Variants in CDH23 observed in about 807,000 individuals in gnomAD.
CDH23 encodes the protein cadherin related 23.
A neutral mutation model predicts 317.1 loss-of-function variants in CDH23; 189 were observed. The ratio of observed to expected loss-of-function variants is 0.60; its 90% CI spans 0.53 to 0.67. CDH23 has a LOEUF of 0.67. CDH23 is among the 30% of genes least tolerant of loss of function. The pLI is 0.00. For missense variants in CDH23, 4,401 were observed against 4,592.4 expected (o/e 0.96, Z 1.20); for synonymous variants, 1,839 against 1,876.8 (o/e 0.98, Z 0.52).
chr10:71,770,177 T>A (rs1840654745), intron 38 of CDH23, among the ~76,000 whole-genome samples: 1 of 152,228 alleles, frequency 6.6e-6, no homozygotes, highest in African/African-American at 2.4e-5. Flanking sequence ...GCCAATGGCA[T>A]GTGGCCTGCA....
chr10:71,507,570 G>A (rs1468539878), intron 3 of CDH23, among the ~76,000 whole-genome samples: 3 of 152,156 alleles, frequency 2.0e-5, no homozygotes, highest in Non-Finnish European at 2.9e-5. Context: ...GCTGATGCCT[G>A]TAATCCCAGC....
intron 9 of CDH23, among the ~76,000 whole-genome samples, chr10:71,611,343 T>A (rs1349678887): frequency 6.6e-6 from 1 of 152,062 alleles, no homozygotes; most frequent in Non-Finnish European, 1.5e-5. Flanking sequence ...GGTTTTGTTC[T>A]CAGCCTCAGT....
At position 71,793,356 on chromosome 10, in the gene CDH23, C is replaced by T. The variant is rs1442180842; in HGVS notation, c.6428C>T (p.Thr2143Met). ...DREEQESYRL[T>M]VVATDRGTVP... ...GAGGAGCAGGAGTCCTACAGGCTAA[C>T]GGTGGTGGCCACCGACCGGGGCACC... The change falls in exon 48 of 70, where the codon ACG becomes ATG. Residue 2143 changes from threonine to methionine, a missense_variant. This residue lies in a region of CDH23 where 3,068 missense variants were observed against 3,203.3 expected (regional missense o/e 0.96). Transcript: ENST00000224721. 5.0e-6 allele frequency: 8 copies of T among 1,613,988 alleles called. No homozygotes were observed. The highest frequency in any genetic ancestry group is 1.7e-6 in the Non-Finnish European group (2 of 1,179,896).
At chr10:71,476,540 G>T (rs898457275) in intron 3 of CDH23, among the ~76,000 whole-genome samples, 3 of 152,196 alleles carry the variant, frequency 2.0e-5, no homozygotes, top group East Asian at 1.9e-4. Context: ...GACACTTCAA[G>T]TACAAATGGA....
intron 14 of CDH23, among the ~76,000 whole-genome samples, chr10:71,656,723 G>C (rs1665684): frequency 0.82 from 124,053 of 152,072 alleles, 51,034 homozygotes; most frequent in African/African-American, 0.89. Context: ...GGTTGAAAAT[G>C]CAGGAAAGAG....
intron 9 of CDH23, among the ~76,000 whole-genome samples, chr10:71,596,746 A>C (rs1859873338): frequency 6.6e-6 from 1 of 152,220 alleles, no homozygotes; most frequent in African/African-American, 2.4e-5. Flanking sequence ...CAAAGGGCCA[A>C]GTTGCAGAAA....
intron 69 of CDH23, among the ~76,000 whole-genome samples, chr10:71,814,713 TACACAC>T (rs34475820): frequency 1.5e-4 from 22 of 146,992 alleles, no homozygotes; most frequent in African/African-American, 3.7e-4. Flanking sequence ...AAGAAGCCGA[TACACAC>T]ACACACACAC....
Position 71,751,620 on chromosome 10 carries a change from G to A in CDH23, c.4845+9699G>A. ...AGGCCGATGCCCTGCAGGCCATGAGGTCATGACCTTACAGGTCATCGTGCT... is the reference window on the plus strand; with the variant it reads ...AGGCCGATGCCCTGCAGGCCATGAGATCATGACCTTACAGGTCATCGTGCT... On this transcript the variant is annotated intron_variant, in intron 38 of 69. Coordinates refer to ENST00000224721, the MANE Select transcript of CDH23 (RefSeq NM_022124.6). The surrounding 1 kb of genome is among the most constrained non-coding windows in gnomAD (Gnocchi z 4.9). 6.7e-7 allele frequency: 1 copy of A among 1,490,486 alleles called. No homozygotes were observed. The highest frequency in any genetic ancestry group is 9.0e-7 in the Non-Finnish European group (1 of 1,112,984). 92.3% of individuals were successfully genotyped at this position (1,490,486 alleles called of 1,614,324 possible). A position where few individuals can be genotyped will look rare whatever the true frequency, so the allele number is the denominator to read the frequency against.
intron 38 of CDH23, among the ~76,000 whole-genome samples, chr10:71,775,351 G>A (rs1304547111): frequency 4.6e-5 from 7 of 152,074 alleles, no homozygotes; most frequent in African/African-American, 1.2e-4. Flanking sequence ...CCTAGCAGCC[G>A]GGGAGGGCCT....
chr10:71,539,944 T>C (rs1181177466), intron 6 of CDH23, among the ~76,000 whole-genome samples: 1 of 152,168 alleles, frequency 6.6e-6, no homozygotes, highest in Non-Finnish European at 1.5e-5. Flanking sequence ...AGAGCAAGGA[T>C]GCTCACTGGT....
At chr10:71,621,414 A>G (rs1015861940) in intron 11 of CDH23, among the ~76,000 whole-genome samples, 15 of 152,194 alleles carry the variant, frequency 9.9e-5, no homozygotes, top group Non-Finnish European at 1.9e-4. Context: ...ATTGCACTGA[A>G]TGGTGCACGG....
At chr10:71,446,087 C>T (rs909907205) in intron 2 of CDH23, among the ~76,000 whole-genome samples, 17 of 152,186 alleles carry the variant, frequency 1.1e-4, no homozygotes, top group Non-Finnish European at 8.8e-5. Context: ...TCAGCAGGCA[C>T]GTGTGGCCGG....
intron 9 of CDH23, among the ~76,000 whole-genome samples, chr10:71,582,305 G>T (rs1008323669): frequency 2.0e-5 from 3 of 152,202 alleles, no homozygotes; most frequent in Non-Finnish European, 4.4e-5. Context: ...AGTCTGAATT[G>T]AGATGTGCTG....
intron 4 of CDH23, 124 bp from the exon 5 acceptor site, chr10:71,510,830 G>C: frequency 1.2e-6 from 1 of 858,508 alleles, no homozygotes; most frequent in Non-Finnish European, 2.0e-6. Flanking sequence ...GGAAGCCTTT[G>C]GGTGCCTGGT....
chr10:71,792,099 C>G (rs769558974), intron 47 of CDH23, among the ~76,000 whole-genome samples: 5 of 152,096 alleles, frequency 3.3e-5, no homozygotes, highest in Admixed American at 6.5e-5. Context: ...GGGCACAAGA[C>G]TCCAGGACAA....
chr10:71,725,900 G>A (rs1439351946), intron 30 of CDH23, among the ~76,000 whole-genome samples: 1 of 152,146 alleles, frequency 6.6e-6, no homozygotes, highest in Non-Finnish European at 1.5e-5. Flanking sequence ...CTGAGGCACA[G>A]AGAAGTTGCT....
chr10:71,756,031 G>A (rs1840137258), intron 38 of CDH23, among the ~76,000 whole-genome samples: 2 of 152,096 alleles, frequency 1.3e-5, no homozygotes. Context: ...CTTAGCTCTG[G>A]GATGGGGCCT....
chr10:71,803,210 G>T lies in CDH23; in HGVS notation c.7662G>T (p.Glu2554Asp). Reference protein sequence around the residue: ...LTYSLEGPGVEAFHVDMDSGL... With the variant: ...LTYSLEGPGVDAFHVDMDSGL... ...CTACTCTCCTGCTCCCACTGCCAGAGGCCTTCCATGTGGACATGGACTCGG... is the reference window on the plus strand; with the variant it reads ...CTACTCTCCTGCTCCCACTGCCAGATGCCTTCCATGTGGACATGGACTCGG... The change falls in exon 55 of 70, where the codon GAG becomes GAT. Residue 2554 changes from glutamate to aspartate, a missense_variant and splice_region_variant. Glu to Asp is a conservative substitution (Grantham distance 45). Around this residue, in one of 3 missense-constraint regions of CDH23, gnomAD observed 1,144 missense variants for 1,138.2 expected, o/e 1.01. Transcript: ENST00000224721. The T allele has an allele frequency of 6.2e-7, 1 of 1,607,474 alleles. No homozygotes were observed.
intron 6 of CDH23, among the ~76,000 whole-genome samples, chr10:71,559,101 G>C (rs1589206746): frequency 6.6e-6 from 1 of 152,104 alleles, no homozygotes; most frequent in African/African-American, 2.4e-5. Context: ...TGGTGTCTCC[G>C]GGTCCTGAGC....
Sources: allele counts gnomAD v4.1 joint callset (sites outside exome capture counted in the v4.1 genomes callset), GRCh38; gene constraint gnomAD v4.1.1; regional missense constraint gnomAD v4.1.1; non-coding constraint Gnocchi (gnomAD v3.1); transcripts MANE v1.5; gene names NCBI Gene and HGNC (gene_info 2026-07-23, HGNC 2026-07-21).